The following CHST8 variants were observed in gnomAD, a reference collection of about 807,000 sequenced individuals.
CHST8 encodes the protein GALNAC-4-ST1.
A neutral mutation model predicts 15.0 loss-of-function variants in CHST8; 10 were observed. That is an observed-to-expected ratio of 0.67 (90% confidence interval 0.41 to 1.13). CHST8 has a LOEUF of 1.13. CHST8 is among the 50% of genes most tolerant of loss of function. The pLI, the probability that CHST8 is intolerant of heterozygous loss-of-function variation, is 0.00. For synonymous variants in CHST8, 259 were observed against 256.6 expected, an observed-to-expected ratio of 1.01 and a Z score of -0.09; for missense variants, 634 against 608.2, an observed-to-expected ratio of 1.04 and a Z score of -0.45.
intron 4 of CHST8, 30 bp from the exon 5 acceptor site, chr19:33,771,927 C>T (rs766460615): frequency 1.3e-6 from 2 of 1,526,818 alleles, no homozygotes; most frequent in South Asian, 2.6e-5. Context: ...GTCCTTTCCA[C>T]TCAGATAACC....
At chr19:33,640,602 A>G (rs147842551) in intron 1 of CHST8, among the ~76,000 whole-genome samples, 2 of 151,370 alleles carry the variant, frequency 1.3e-5, no homozygotes, top group Non-Finnish European at 2.9e-5. Context: ...CAAGATTTGT[A>G]TGAATAAATT....
At chr19:33,734,724 C>G (rs1003548904) in intron 3 of CHST8, among the ~76,000 whole-genome samples, 6 of 152,078 alleles carry the variant, frequency 3.9e-5, no homozygotes, top group African/African-American at 1.4e-4. Flanking sequence ...GAGTGAGGAC[C>G]CACCTTCCTG....
chr19:33,721,652 AGATG>A (rs1362957150), intron 3 of CHST8, among the ~76,000 whole-genome samples: 1 of 142,852 alleles, frequency 7.0e-6, no homozygotes, highest in Admixed American at 6.9e-5. Context: ...GTGGGTGGGT[AGATG>A]GATGGAGGGA....
chr19:33,629,010 T>C (rs1972091164), intron 1 of CHST8, among the ~76,000 whole-genome samples: 1 of 152,160 alleles, frequency 6.6e-6, no homozygotes, highest in East Asian at 1.9e-4. Flanking sequence ...TCCACTGCCT[T>C]CCTCTCTTGT....
chr19:33,716,111 A>AT (rs1200745665), intron 3 of CHST8, among the ~76,000 whole-genome samples: 15 of 152,080 alleles, frequency 9.9e-5, no homozygotes, highest in African/African-American at 3.6e-4. Context: ...ATCGAGACGG[A>AT]TTTTTTTCAC....
intron 3 of CHST8, among the ~76,000 whole-genome samples, chr19:33,762,755 C>T: frequency 6.6e-6 from 1 of 152,198 alleles, no homozygotes; most frequent in East Asian, 1.9e-4. Flanking sequence ...ATGTTTGGCA[C>T]ATTTTACCGA....
rs149699105 is a variant in CHST8 at position 33,727,856 on chromosome 19, G to A, written c.130+38465G>A. Among the ~76,000 whole-genome samples the A allele has an allele frequency of 7.9e-5, 12 of 152,320 alleles. No individual in the cohort carries two copies. The East Asian group carries it at 2.1e-3, about 27-fold the overall frequency. On this transcript the variant is annotated intron_variant, in intron 3 of 4. Transcript: ENST00000650847. ...AAGCCTGTGTGCCTTGCTTTCCGGC[G>A]CCTCTCTTTTTCGGCCTCCACTGAC... is the stretch of plus-strand genomic sequence containing the variant.
intron 3 of CHST8, among the ~76,000 whole-genome samples, chr19:33,696,485 G>A (rs1973220101): frequency 1.3e-5 from 2 of 151,908 alleles, no homozygotes; most frequent in Admixed American, 6.6e-5. Flanking sequence ...TAGGTTGTGC[G>A]CTCCTTATGA....
At chr19:33,769,004 G>A (rs1000054090) in intron 3 of CHST8, among the ~76,000 whole-genome samples, 3 of 152,198 alleles carry the variant, frequency 2.0e-5, no homozygotes, top group South Asian at 4.1e-4. Context: ...TGTCTAGAAG[G>A]AACTTTTCCT....
intron 1 of CHST8, among the ~76,000 whole-genome samples, chr19:33,650,854 A>G (rs767941591): frequency 6.6e-6 from 1 of 152,024 alleles, no homozygotes; most frequent in Non-Finnish European, 1.5e-5. Flanking sequence ...GACTACAGGC[A>G]TGTGCCACCA....
At chr19:33,659,013 T>C (rs911245258) in intron 1 of CHST8, among the ~76,000 whole-genome samples, 2 of 151,648 alleles carry the variant, frequency 1.3e-5, no homozygotes, top group African/African-American at 4.8e-5. Flanking sequence ...TTTATTTCTC[T>C]CTTTTTGCTA....
intron 1 of CHST8, among the ~76,000 whole-genome samples, 183 bp from the exon 2 acceptor site, chr19:33,667,584 G>A (rs189945604): frequency 3.3e-5 from 5 of 152,132 alleles, no homozygotes; most frequent in East Asian, 3.9e-4. Flanking sequence ...GAGATGATTC[G>A]TAACCAGCTT....
At chr19:33,740,929 G>A (rs935554060) in intron 3 of CHST8, among the ~76,000 whole-genome samples, 1 of 152,124 alleles carries the variant, frequency 6.6e-6, no homozygotes, top group Admixed American at 6.5e-5. Context: ...TACATTCCCC[G>A]GGTCCTCCTA....
In CHST8 at chr19:33,650,518, C is replaced by CTTTTTTTTTTTTTTTTTTTTTTTTTTT. The variant is rs869057036; in HGVS notation, c.-163-17246_-163-17220dup. On this transcript the variant is annotated intron_variant, in intron 1 of 4. Coordinates refer to ENST00000650847, the MANE Select transcript of CHST8 (RefSeq NM_001127895.2). Reference sequence around the variant, plus strand: ...TTCTTTTTCTTTTTCTTTTTCTTTTCTTTTTTTTTTTTTTTTTTTTTTTTT... The same window carrying CTTTTTTTTTTTTTTTTTTTTTTTTTTT: ...TTCTTTTTCTTTTTCTTTTTCTTTTCTTTTTTTTTTTTTTTTTTTTTTTTTTTTTTTTTTTTTTTTTTTTTTTTTTTT... 3.2e-3 allele frequency among the ~76,000 whole-genome samples: 117 copies of CTTTTTTTTTTTTTTTTTTTTTTTTTTT among 36,130 alleles called. 8 individuals are homozygous for CTTTTTTTTTTTTTTTTTTTTTTTTTTT. Among genetic ancestry groups the CTTTTTTTTTTTTTTTTTTTTTTTTTTT allele is most frequent in the East Asian group, 6.7e-3 (7 of 1,052 alleles). 23.7% of individuals were successfully genotyped at this position (36,130 alleles called of 152,430 possible).
intron 1 of CHST8, among the ~76,000 whole-genome samples, chr19:33,657,702 G>A (rs1972530109): frequency 6.6e-6 from 1 of 151,928 alleles, no homozygotes; most frequent in Non-Finnish European, 1.5e-5. Flanking sequence ...TCAAATAGCT[G>A]GGAATACAGG....
At chr19:33,710,396 T>A (rs1204418176) in intron 3 of CHST8, among the ~76,000 whole-genome samples, 1 of 152,198 alleles carries the variant, frequency 6.6e-6, no homozygotes, top group African/African-American at 2.4e-5. Context: ...TTTGTTTGCT[T>A]TATTTGTTAC....
intron 2 of CHST8, among the ~76,000 whole-genome samples, chr19:33,673,532 G>A (rs1972770120): frequency 6.6e-6 from 1 of 152,152 alleles, no homozygotes; most frequent in Non-Finnish European, 1.5e-5. Context: ...TGTCTGTCTG[G>A]GGCTTTTGTC....
intron 1 of CHST8, among the ~76,000 whole-genome samples, chr19:33,630,106 C>T (rs1264270674): frequency 6.6e-6 from 1 of 152,222 alleles, no homozygotes; most frequent in Non-Finnish European, 1.5e-5. Flanking sequence ...CCTAGGCTTG[C>T]AGCACTGAGA....
intron 3 of CHST8, among the ~76,000 whole-genome samples, chr19:33,765,852 G>A (rs2079691): frequency 0.25 from 38,201 of 151,938 alleles, 5,019 homozygotes; most frequent in African/African-American, 0.27. Context: ...GAGCCACCAC[G>A]CCCGGCCAGG....
Sources: allele counts gnomAD v4.1 joint callset (sites outside exome capture counted in the v4.1 genomes callset), GRCh38; gene constraint gnomAD v4.1.1; transcripts MANE v1.5; gene names NCBI Gene and HGNC (gene_info 2026-07-23, HGNC 2026-07-21).